Variants in ZNF491 observed in about 807,000 individuals in gnomAD.
ZNF491 encodes zinc finger protein 491.
In ZNF491, 22 loss-of-function variants were observed where a neutral mutation model predicts 34.7. The observed-to-expected ratio is 0.63, with a 90% CI of 0.45 to 0.90. ZNF491 has a LOEUF of 0.90. ZNF491 is among the 40% of genes least tolerant of loss of function. ZNF491 has a pLI of 0.00. For synonymous variants in ZNF491, 148 were observed against 174.3 expected (o/e 0.85, Z 1.19); for missense variants, 559 against 531.7 (o/e 1.05, Z -0.51).
chr19:11,805,494 G>T (rs1975599753), intron 2 of ZNF491, among the ~76,000 whole-genome samples: 1 of 151,176 alleles, frequency 6.6e-6, no homozygotes, highest in Non-Finnish European at 1.5e-5. Context: ...TGTAGAATGT[G>T]TGATCCATTC....
Position 11,806,669 on chromosome 19 carries a change from G to A in ZNF491, c.716G>A (p.Gly239Glu), listed in dbSNP as rs143071621. 1.1e-4 allele frequency: 183 copies of A among 1,613,174 alleles called. No individual in the cohort carries two copies. In the East Asian group the frequency reaches 3.2e-3, roughly 28 times the overall value. Residue 239 changes from glycine (G) to glutamate (E), a missense_variant, in exon 3 of 3, where the codon GGA becomes GAA. Gly to Glu is a moderately conservative substitution (Grantham distance 98). Transcript: ENST00000323169. ...CACAGGCATGAAAGGACTCACACAG[G>A]AGAAAAACCCTATGAATGTAAACTA... ...SFHRHERTHT[G>E]EKPYECKLYG...
At position 11,806,378 on chromosome 19, in the gene ZNF491, G is replaced by A. The variant is rs1333508295; in HGVS notation, c.425G>A (p.Cys142Tyr). The A allele has an allele frequency of 5.6e-6, 9 of 1,613,684 alleles. No homozygotes were observed. The highest frequency in any genetic ancestry group is 7.6e-6 in the Non-Finnish European group (9 of 1,179,824). The change falls in exon 3 of 3, where the codon TGT becomes TAT. Residue 142 changes from cysteine (C) to tyrosine (Y), a missense_variant. By Grantham distance (194) the Cys-to-Tyr change is radical (BLOSUM62 -2). Coordinates refer to ENST00000323169, the MANE Select transcript of ZNF491 (RefSeq NM_152356.4). The part of the protein sequence containing the change: ...KCKFCGKALD[C>Y]LSLYLTHERT... Reference sequence around the variant, plus strand: ...AAGTTTTGTGGGAAAGCCTTGGATTGTCTCAGTTTATACCTTACCCATGAA... The same window carrying A: ...AAGTTTTGTGGGAAAGCCTTGGATTATCTCAGTTTATACCTTACCCATGAA...
At chr19:11,801,290 C>T (rs544553816) in intron 1 of ZNF491, among the ~76,000 whole-genome samples, 35 of 152,282 alleles carry the variant, frequency 2.3e-4, no homozygotes, top group Non-Finnish European at 4.0e-4. Flanking sequence ...AACTCCATGG[C>T]TGATTCTTGA....
rs1363520069 is a variant in ZNF491, at chr19:11,806,702, A to C, written c.749A>C (p.Lys250Thr). Reference protein sequence around the residue: ...EKPYECKLYGKALSRLISFRR... With the variant: ...EKPYECKLYGTALSRLISFRR... ...CCCTATGAATGTAAACTATATGGGA[A>C]AGCATTATCTCGCCTTATAAGCTTT... Residue 250 changes from lysine to threonine, a missense_variant, in exon 3 of 3, where the codon AAA becomes ACA. By Grantham distance (78) the Lys-to-Thr change is moderately conservative (BLOSUM62 -1). Transcript: ENST00000323169. The C allele has an allele frequency of 6.2e-7, 1 of 1,613,820 alleles. No homozygotes were observed. The highest frequency in any genetic ancestry group is 8.5e-7 in the Non-Finnish European group (1 of 1,179,936).
chr19:11,799,441 T>C (rs909342581), intron 1 of ZNF491, among the ~76,000 whole-genome samples: 1 of 151,928 alleles, frequency 6.6e-6, no homozygotes, highest in African/African-American at 2.4e-5. Flanking sequence ...CAAGGCTAGT[T>C]TGTGAGGCAC....
intron 2 of ZNF491, among the ~76,000 whole-genome samples, chr19:11,805,409 C>CAAAAAA (rs971587205): frequency 1.8e-4 from 9 of 48,956 alleles, no homozygotes; most frequent in Non-Finnish European, 3.0e-4. Context: ...AACTCCGTCT[C>CAAAAAA]AAAAAAAAAA....
intron 1 of ZNF491, chr19:11,799,192 G>A (rs193071005): frequency 6.6e-6 from 1 of 152,314 alleles, no homozygotes; most frequent in African/African-American, 2.4e-5. Flanking sequence ...TGCATGAGGA[G>A]GCAAACAGGA....
Position 11,806,677 on chromosome 19 carries a change from C to A in ZNF491, c.724C>A (p.Pro242Thr). 1 of 1,613,226 alleles carries A rather than the reference C, an allele frequency of 6.2e-7. No homozygotes were observed. The highest frequency in any genetic ancestry group is 1.1e-5 in the South Asian group (1 of 90,984). ...RHERTHTGEK[P>T]YECKLYGKAL... Reference sequence around the variant, plus strand: ...TGAAAGGACTCACACAGGAGAAAAACCCTATGAATGTAAACTATATGGGAA... The same window carrying A: ...TGAAAGGACTCACACAGGAGAAAAAACCTATGAATGTAAACTATATGGGAA... Residue 242 changes from proline (P) to threonine (T), a missense_variant, in exon 3 of 3, where the codon CCC becomes ACC. Transcript: ENST00000323169.
intron 1 of ZNF491, chr19:11,799,345 G>C (rs891911010): frequency 1.3e-5 from 2 of 152,114 alleles, no homozygotes; most frequent in Non-Finnish European, 2.9e-5. Flanking sequence ...AGGATCCACG[G>C]AAATGGGCTC....
chr19:11,799,635 T>A (rs116415797), intron 1 of ZNF491, among the ~76,000 whole-genome samples: 1,551 of 151,920 alleles, frequency 0.01, 25 homozygotes, highest in African/African-American at 0.035. Context: ...CAAAATATTT[T>A]AAAAAATTAG....
At position 11,806,041 on chromosome 19, in the gene ZNF491, ACT is replaced by A; in HGVS notation, c.91_92del (p.Leu31SerfsTer7). On this transcript the variant is annotated frameshift_variant, in exon 3 of 3. Transcript: ENST00000323169. LOFTEE classifies it high-confidence loss of function. ...TCCGGAAGACATGCTGAACAAGAAA[ACT>A]CTTCCTGGAGTAAAATCATGTGAAA... ...QVPEDMLNKKTLPGVKSCESG... is the reference protein window; with the variant it reads ...QVPEDMLNKKXLPGVKSCESG... 6.2e-7 allele frequency: 1 copy of A among 1,613,732 alleles called. No homozygotes were observed. The highest frequency in any genetic ancestry group is 8.5e-7 in the Non-Finnish European group (1 of 1,179,950).
intron 1 of ZNF491, among the ~76,000 whole-genome samples, chr19:11,804,071 T>C (rs286215): frequency 0.32 from 48,111 of 151,846 alleles, 11,635 homozygotes; most frequent in African/African-American, 0.67. Context: ...GGCATGGTGG[T>C]GCGTGCCTGT....
chr19:11,802,949 C>T (rs752945212), intron 1 of ZNF491, among the ~76,000 whole-genome samples: 35 of 151,332 alleles, frequency 2.3e-4, no homozygotes, highest in Non-Finnish European at 3.1e-4. Context: ...TCTTTCTCTC[C>T]GGATTCACCA....
chr19:11,804,408 A>G, intron 1 of ZNF491, 134 bp from the exon 2 acceptor site: 1 of 1,252,932 alleles, frequency 8.0e-7, no homozygotes. Context: ...ACAGGGGAGT[A>G]AGAGGTCTGA....
Position 11,806,014 on chromosome 19 carries a change from GT to G in ZNF491, c.63del (p.Pro22ArgfsTer5), listed in dbSNP as rs775041321. ...TCAGTGTGGAGAAACTTTCACCCAGGTTCCGGAAGACATGCTGAACAAGAAA... is the reference window on the plus strand; with the variant it reads ...TCAGTGTGGAGAAACTTTCACCCAGGTCCGGAAGACATGCTGAACAAGAAA... ...GSQCGETFTQ[V>X]PEDMLNKKTL... is the part of the protein sequence containing the mutation. On this transcript the variant is annotated frameshift_variant, in exon 3 of 3. Coordinates refer to ENST00000323169, the MANE Select transcript of ZNF491 (RefSeq NM_152356.4). LOFTEE classifies it high-confidence loss of function. 93 of 1,612,718 alleles carry G rather than the reference GT, an allele frequency of 5.8e-5. No homozygotes were observed. In the African/African-American group the frequency reaches 1.1e-3, roughly 18 times the overall value.
Position 11,806,035 on chromosome 19 carries a change from A to G in ZNF491, c.82A>G (p.Lys28Glu). 1.2e-6 allele frequency: 2 copies of G among 1,613,952 alleles called. No individual in the cohort carries two copies. The highest frequency in any genetic ancestry group is 8.5e-7 in the Non-Finnish European group (1 of 1,179,986). ...CCAGGTTCCGGAAGACATGCTGAAC[A>G]AGAAAACTCTTCCTGGAGTAAAATC... is the stretch of plus-strand genomic sequence containing the variant. The part of the protein sequence containing the change: ...FTQVPEDMLN[K>E]KTLPGVKSCE... The change falls in exon 3 of 3, where the codon AAG (lysine) becomes GAG (glutamate). Residue 28 changes from lysine to glutamate, a missense_variant. Coordinates refer to ENST00000323169, the MANE Select transcript of ZNF491 (RefSeq NM_152356.4).
In ZNF491 at chr19:11,806,308, C is replaced by T. The variant is rs139779307; in HGVS notation, c.355C>T (p.Arg119Ter). 14 of 1,605,452 alleles carry T rather than the reference C, an allele frequency of 8.7e-6. No homozygotes were observed. The highest frequency in any genetic ancestry group is 4.5e-5 in the East Asian group (2 of 44,862). The change falls in exon 3 of 3, where the codon CGA becomes TGA. Residue 119 changes from arginine (R) to a stop codon, truncating the protein, a stop_gained. Transcript: ENST00000323169. LOFTEE classifies it high-confidence loss of function. ...EKSFISPASI[R>*]RYMVTHSGDG... Reference sequence around the variant, plus strand: ...ATCTTTCATTTCTCCTGCAAGCATTCGAAGATATATGGTAACGCACAGTGG... The same window carrying T: ...ATCTTTCATTTCTCCTGCAAGCATTTGAAGATATATGGTAACGCACAGTGG...
intron 1 of ZNF491, among the ~76,000 whole-genome samples, chr19:11,801,222 A>G (rs1599279185): frequency 6.6e-6 from 1 of 152,334 alleles, no homozygotes; most frequent in East Asian, 1.9e-4. Flanking sequence ...TATTTTGTTT[A>G]TGAATATTTT....
At position 11,804,616 on chromosome 19, in the gene ZNF491, G is replaced by T; in HGVS notation, c.-59G>T. ...GGGCCTTGTTGAATCCTTTCCAGAA[G>T]ATCTCTACAGAGATGTGATGCAGGA... On this transcript the variant is annotated 5_prime_UTR_variant, in exon 2 of 3. Coordinates refer to ENST00000323169, the MANE Select transcript of ZNF491 (RefSeq NM_152356.4). 6.6e-7 allele frequency: 1 copy of T among 1,515,288 alleles called. No homozygotes were observed. Among genetic ancestry groups the T allele is most frequent in the South Asian group, 1.3e-5 (1 of 79,340 alleles). The allele number at this position is 1,515,288 out of a possible 1,614,324, so 93.9% of individuals were successfully genotyped here.
Sources: allele counts gnomAD v4.1 joint callset (sites outside exome capture counted in the v4.1 genomes callset), GRCh38; gene constraint gnomAD v4.1.1; transcripts MANE v1.5; gene names NCBI Gene and HGNC (gene_info 2026-07-23, HGNC 2026-07-21).